Variants in TMEM217B observed in about 807,000 individuals in gnomAD.
TMEM217B encodes transmembrane protein 217B.
chr6:37,252,074 A>G, the TMEM217B span, among the ~76,000 whole-genome samples: 1 of 152,048 alleles, frequency 6.6e-6, no homozygotes, highest in Non-Finnish European at 1.5e-5. Flanking sequence ...TGTAATTTTA[A>G]TAGAGCCAGG....
chr6:37,229,947 A>T, the TMEM217B span, among the ~76,000 whole-genome samples: 1 of 152,122 alleles, frequency 6.6e-6, no homozygotes, highest in Non-Finnish European at 1.5e-5. Context: ...GGCTAGCGGG[A>T]CCCTTCTTGG....
chr6:37,248,951 T>G, the TMEM217B span, among the ~76,000 whole-genome samples: 75 of 152,336 alleles, frequency 4.9e-4, 1 homozygote, highest in Admixed American at 3.1e-3. Flanking sequence ...CTGACCCTTC[T>G]GGGTTCTGGT....
chr6:37,218,393 T>G, the TMEM217B span: 21 of 1,497,158 alleles, frequency 1.4e-5, no homozygotes, highest in Admixed American at 3.1e-4. Context: ...GCCAGGCTGG[T>G]CTTGAACTCC....
At chr6:37,230,838 C>T in the TMEM217B span, among the ~76,000 whole-genome samples, 1 of 152,100 alleles carries the variant, frequency 6.6e-6, no homozygotes, top group Admixed American at 6.6e-5. Context: ...GCCTCTCTAC[C>T]ACTGGGCAGT....
the TMEM217B span, among the ~76,000 whole-genome samples, chr6:37,255,512 A>T: frequency 6.6e-6 from 1 of 152,048 alleles, no homozygotes; most frequent in Admixed American, 6.6e-5. Flanking sequence ...GTGAAACTTC[A>T]TCTCTACAAA....
the TMEM217B span, among the ~76,000 whole-genome samples, chr6:37,235,221 A>T: frequency 3.9e-5 from 6 of 152,192 alleles, no homozygotes; most frequent in Admixed American, 3.9e-4. Flanking sequence ...ATACTACACA[A>T]TTGGAAGTGA....
At chr6:37,248,864 T>C in the TMEM217B span, among the ~76,000 whole-genome samples, 1 of 152,162 alleles carries the variant, frequency 6.6e-6, no homozygotes, top group Non-Finnish European at 1.5e-5. Flanking sequence ...AGAAATTTGT[T>C]CTCTTAAGGT....
the TMEM217B span, among the ~76,000 whole-genome samples, chr6:37,255,550 G>C: frequency 6.6e-6 from 1 of 152,110 alleles, no homozygotes; most frequent in African/African-American, 2.4e-5. Context: ...GGCCATGGTG[G>C]TATGTGCCTG....
the TMEM217B span, among the ~76,000 whole-genome samples, chr6:37,217,482 A>G: frequency 2.0e-5 from 3 of 152,246 alleles, no homozygotes; most frequent in Non-Finnish European, 4.4e-5. Flanking sequence ...TTTTGTATAC[A>G]GTATATACAC....
the TMEM217B span, chr6:37,212,541 A>G: frequency 4.4e-6 from 2 of 459,126 alleles, no homozygotes; most frequent in Non-Finnish European, 8.7e-6. Flanking sequence ...GGTTGTATGC[A>G]TGCTTGACGA....
chr6:37,227,412 G>A, the TMEM217B span, among the ~76,000 whole-genome samples: 2 of 152,010 alleles, frequency 1.3e-5, no homozygotes, highest in African/African-American at 4.8e-5. Flanking sequence ...ACTTCCAAGT[G>A]TGTACTCTTG....
At chr6:37,229,038 A>G in the TMEM217B span, among the ~76,000 whole-genome samples, 1 of 152,030 alleles carries the variant, frequency 6.6e-6, no homozygotes, top group Non-Finnish European at 1.5e-5. Flanking sequence ...TAATAATAAT[A>G]ACGAACATTT....
the TMEM217B span, chr6:37,218,389 C>A: frequency 6.8e-7 from 1 of 1,480,898 alleles, no homozygotes; most frequent in Admixed American, 1.9e-5. Context: ...CAAGGCCAGG[C>A]TGGTCTTGAA....
At chr6:37,247,999 A>C in the TMEM217B span, among the ~76,000 whole-genome samples, 1 of 152,104 alleles carries the variant, frequency 6.6e-6, no homozygotes, top group African/African-American at 2.4e-5. Context: ...CTCATATGTA[A>C]TTTCTCCTTG....
At chr6:37,215,631 C>T in the TMEM217B span, among the ~76,000 whole-genome samples, 1 of 130,980 alleles carries the variant, frequency 7.6e-6, no homozygotes, top group Non-Finnish European at 1.6e-5. Flanking sequence ...TACAATGCAA[C>T]GTGATAAATG....
chr6:37,249,975 T>A, the TMEM217B span, among the ~76,000 whole-genome samples: 1 of 152,178 alleles, frequency 6.6e-6, no homozygotes, highest in Non-Finnish European at 1.5e-5. Flanking sequence ...AGCAGCAGAG[T>A]TCATAGTGGC....
the TMEM217B span, among the ~76,000 whole-genome samples, chr6:37,243,884 G>C: frequency 2.0e-5 from 3 of 152,178 alleles, no homozygotes; most frequent in Admixed American, 6.5e-5. Flanking sequence ...CTCTGGATGG[G>C]GGGGTGCACA....
At chr6:37,217,904 G>A in the TMEM217B span, 1 of 985,918 alleles carries the variant, frequency 1.0e-6, no homozygotes, top group Non-Finnish European at 1.2e-6. Context: ...GTGGTAGAAA[G>A]GTGAGTTCAC....
the TMEM217B span, among the ~76,000 whole-genome samples, chr6:37,231,074 C>T: frequency 2.0e-5 from 3 of 151,538 alleles, no homozygotes; most frequent in Non-Finnish European, 4.4e-5. Context: ...TATTTATTTT[C>T]TTTTTGAGAT....
Sources: gnomAD v4.1 joint callset for allele counts (sites outside exome capture counted in the v4.1 genomes callset) on GRCh38, gnomAD v4.1.1 for gene constraint, MANE v1.5 for transcripts, NCBI Gene and HGNC (gene_info 2026-07-23, HGNC 2026-07-21) for gene names.